The following AGBL1 variants were observed in gnomAD, a reference collection of about 807,000 sequenced individuals.
AGBL1 encodes AGBL carboxypeptidase 1, also known as cytosolic carboxypeptidase 4.
Under a neutral mutation model 118.9 loss-of-function variants are expected in AGBL1, and 130 were observed. That is an observed-to-expected ratio of 1.09 (90% CI 0.95 to 1.26). The LOEUF is 1.26. Ranked by LOEUF, AGBL1 falls within the 50% of genes most tolerant of loss-of-function variation. AGBL1 has a pLI of 0.00. For synonymous variants in AGBL1, 555 were observed against 478.9 expected, an observed-to-expected ratio of 1.16 and a Z score of -2.08; for missense variants, 1,584 against 1,298.1, an observed-to-expected ratio of 1.22 and a Z score of -3.38.
intron 5 of AGBL1, 29 bp downstream of exon 5, chr15:86,159,055 C>G: frequency 6.3e-7 from 1 of 1,591,518 alleles, no homozygotes; most frequent in Non-Finnish European, 8.6e-7. Context: ...TACTTCTGCC[C>G]CTTTTGTAAC....
rs183887714 is a variant in AGBL1 at position 86,279,592 on chromosome 15, C to G, written c.2076-47C>G. ...GGACCCTAAATGACCCTGCACCCCC[C>G]TCCCACCTCTCCCTTATTCTCTTCT... On this transcript the variant is annotated intron_variant, in intron 15 of 22. Coordinates refer to ENST00000614907, the MANE Select transcript of AGBL1 (RefSeq NM_001386094.1). 6.7e-3 allele frequency: 10,569 copies of G among 1,584,910 alleles called. 50 individuals carry two copies. The highest frequency in any genetic ancestry group is 8.1e-3 in the Non-Finnish European group (9,404 of 1,155,412).
rs568636585 is a variant in AGBL1, at chr15:86,833,470, T to C, written c.3159-73617T>C. Among the ~76,000 whole-genome samples the C allele has an allele frequency of 2.6e-5, 4 of 152,270 alleles. No homozygotes were observed. In the East Asian group the frequency reaches 5.8e-4, roughly 22 times the overall value. On this transcript the variant is annotated intron_variant, in intron 22 of 22. Transcript: ENST00000614907. Reference sequence around the variant, plus strand: ...GTTTATCAGGGGTTTCTGCTTTTGCTTCTTCCTCACTCTTCTCTTGTTGCT... The same window carrying C: ...GTTTATCAGGGGTTTCTGCTTTTGCCTCTTCCTCACTCTTCTCTTGTTGCT...
chr15:86,726,110 T>C (rs1194621174), intron 22 of AGBL1, among the ~76,000 whole-genome samples: 1 of 152,216 alleles, frequency 6.6e-6, no homozygotes, highest in Admixed American at 6.5e-5. Flanking sequence ...ACATTGTGCT[T>C]TGTAAATTTT....
intron 6 of AGBL1, among the ~76,000 whole-genome samples, chr15:86,225,175 G>T (rs4887419): frequency 0.053 from 7,982 of 151,816 alleles, 281 homozygotes; most frequent in South Asian, 0.12. Context: ...ACCACAAAGA[G>T]AAAATAAATA....
intron 17 of AGBL1, among the ~76,000 whole-genome samples, chr15:86,364,148 C>T (rs963324297): frequency 8.5e-5 from 13 of 152,102 alleles, no homozygotes; most frequent in Non-Finnish European, 1.5e-4. Flanking sequence ...TTTCTTCAGA[C>T]GCCATCACTT....
chr15:86,563,349 G>T (rs1479876584), intron 21 of AGBL1, among the ~76,000 whole-genome samples: 2 of 152,122 alleles, frequency 1.3e-5, no homozygotes, highest in African/African-American at 2.4e-5. Flanking sequence ...TTGTGTGTTT[G>T]TTCTCATTGG....
intron 16 of AGBL1, among the ~76,000 whole-genome samples, chr15:86,288,855 T>G (rs1390684410): frequency 4.6e-5 from 7 of 152,152 alleles, no homozygotes; most frequent in Admixed American, 1.3e-4. Flanking sequence ...GTGTTATATA[T>G]TTGAATCCCA....
chr15:87,027,334 G>T (rs753697191), intron 24 of AGBL1, among the ~76,000 whole-genome samples: 6 of 151,946 alleles, frequency 3.9e-5, no homozygotes, highest in Non-Finnish European at 7.4e-5. Context: ...TGTTGGTGGA[G>T]TGTAAATTAG....
intron 1 of AGBL1, among the ~76,000 whole-genome samples, chr15:86,117,883 A>G (rs1454501430): frequency 6.6e-6 from 1 of 152,174 alleles, no homozygotes; most frequent in African/African-American, 2.4e-5. Flanking sequence ...TTGGTGCGGG[A>G]ATCTGTAGTT....
chr15:86,289,265 T>G (rs888128777), intron 16 of AGBL1, among the ~76,000 whole-genome samples: 1 of 152,192 alleles, frequency 6.6e-6, no homozygotes, highest in Non-Finnish European at 1.5e-5. Context: ...GGTTTCATGC[T>G]ATTTTCCATG....
intron 21 of AGBL1, among the ~76,000 whole-genome samples, chr15:86,621,538 T>G (rs1321913899): frequency 6.6e-6 from 1 of 152,178 alleles, no homozygotes; most frequent in East Asian, 1.9e-4. Flanking sequence ...ATCTTCTCAG[T>G]GTGTCTCTGT....
chr15:86,511,566 T>C (rs2083052724), intron 18 of AGBL1, among the ~76,000 whole-genome samples: 1 of 152,050 alleles, frequency 6.6e-6, no homozygotes, highest in South Asian at 2.1e-4. Flanking sequence ...TTAGGCAGGT[T>C]ACTTAACATC....
chr15:86,771,895 G>A lies in AGBL1; in HGVS notation c.3158+97459G>A, dbSNP rs535015283. Among the ~76,000 whole-genome samples the A allele has an allele frequency of 6.9e-4, 105 of 152,024 alleles. 1 individual carries two copies. Among genetic ancestry groups the A allele is most frequent in the Non-Finnish European group, 1.0e-3 (69 of 67,978 alleles). On this transcript the variant is annotated intron_variant, in intron 22 of 22. Coordinates refer to ENST00000614907, the MANE Select transcript of AGBL1 (RefSeq NM_001386094.1). ...GGATGGGGAAGTTGCCAGTAGGCAG[G>A]CAGAGTCATTAAGGGAAATGGGTGT...
chr15:86,189,472 G>T (rs1266316268), intron 5 of AGBL1, among the ~76,000 whole-genome samples: 1 of 152,188 alleles, frequency 6.6e-6, no homozygotes, highest in East Asian at 1.9e-4. Context: ...AGTGTTGGAG[G>T]TGGGGCCTGG....
intron 24 of AGBL1, among the ~76,000 whole-genome samples, chr15:87,019,161 C>T (rs2081637296): frequency 3.9e-5 from 6 of 152,038 alleles, no homozygotes; most frequent in Admixed American, 3.9e-4. Flanking sequence ...GACTAACACA[C>T]AAAAATAGTG....
At chr15:86,765,443 A>G (rs1008014628) in intron 22 of AGBL1, among the ~76,000 whole-genome samples, 2 of 151,974 alleles carry the variant, frequency 1.3e-5, no homozygotes, top group African/African-American at 2.4e-5. Context: ...TTAGTGTATT[A>G]TAGCGAGGGC....
At chr15:86,934,908 A>G (rs1379200037) in intron 23 of AGBL1, among the ~76,000 whole-genome samples, 2 of 152,236 alleles carry the variant, frequency 1.3e-5, no homozygotes, top group Non-Finnish European at 2.9e-5. Flanking sequence ...GGACGATAAG[A>G]CATACTCCAG....
intron 21 of AGBL1, among the ~76,000 whole-genome samples, chr15:86,645,021 AAAACAAAC>A (rs140615338): frequency 6.6e-5 from 10 of 152,062 alleles, no homozygotes; most frequent in Admixed American, 3.9e-4. Flanking sequence ...GACTGTCTCC[AAAACAAAC>A]AAACAAACAA....
At chr15:86,483,381 G>C (rs181287911) in intron 18 of AGBL1, among the ~76,000 whole-genome samples, 7 of 152,140 alleles carry the variant, frequency 4.6e-5, no homozygotes, top group Admixed American at 4.6e-4. Context: ...GGTTGATATC[G>C]ATGGTGGAGC....
Sources: gnomAD v4.1 joint callset for allele counts (sites outside exome capture counted in the v4.1 genomes callset) on GRCh38, gnomAD v4.1.1 for gene constraint, MANE v1.5 for transcripts, NCBI Gene and HGNC (gene_info 2026-07-23, HGNC 2026-07-21) for gene names.